The following KRT24 variants were observed in gnomAD, a reference collection of about 807,000 sequenced individuals.
KRT24 encodes keratin, type I cytoskeletal 24.
In KRT24, 44 loss-of-function variants were observed where a neutral mutation model predicts 51.7. That is an observed-to-expected ratio of 0.85 (90% CI 0.67 to 1.09). The LOEUF is 1.09. Among genes scored for constraint, KRT24 ranks in the 50% least tolerant of loss-of-function variants. The probability of loss-of-function intolerance (pLI) is 0.00; values close to 1 mark genes in which losing one functional copy is unlikely to be tolerated. For synonymous variants in KRT24, 241 were observed against 249.5 expected, an observed-to-expected ratio of 0.97 and a Z score of 0.32; for missense variants, 633 against 647.0, an observed-to-expected ratio of 0.98 and a Z score of 0.24.
At chr17:40,700,417 A>G in intron 3 of KRT24, 34 bp from the exon 4 acceptor site, 1 of 1,552,300 alleles carries the variant, frequency 6.4e-7, no homozygotes. Context: ...TCGTGATGCA[A>G]ACAGAAAAGT....
chr17:40,701,723 G>GTATATATATATA (rs36205605), intron 2 of KRT24, 128 bp downstream of exon 2: 4 of 38,122 alleles, frequency 1.0e-4, no homozygotes, highest in Non-Finnish European at 2.5e-4. Flanking sequence ...TGATCCTCTA[G>GTATATATATATA]TATATATATA....
At position 40,698,641 on chromosome 17, in the gene KRT24, A is replaced by G; in HGVS notation, c.1371T>C (p.Ser457=). 6.6e-7 allele frequency: 1 copy of G among 1,525,050 alleles called. No individual in the cohort carries two copies. 94.5% of individuals were successfully genotyped at this position (1,525,050 alleles called of 1,614,324 possible). ...AGTTTCTACCACCAAATTCTGCAAA[A>G]CTAGAACCACTGGAGAAAAAAAGAA... ...RLLDGEGGGS[S]FAEFGGRNSG... is the part of the protein sequence containing the mutation. The change falls in exon 7 of 8, where the codon AGT becomes AGC. Residue 457 remains serine, a synonymous_variant. Transcript: ENST00000264651.
intron 3 of KRT24, 108 bp downstream of exon 3, chr17:40,701,032 A>C (rs867394873): frequency 1.8e-6 from 2 of 1,099,542 alleles, no homozygotes; most frequent in African/African-American, 1.6e-5. Context: ...AGAGTAGCTG[A>C]GACTAAAGGC....
At chr17:40,698,684 G>T in intron 6 of KRT24, 34 bp from the exon 7 acceptor site, 2 of 1,105,304 alleles carry the variant, frequency 1.8e-6, no homozygotes, top group Non-Finnish European at 2.8e-6. Context: ...TTCCTTTGCA[G>T]TTTGCAAAGG....
Position 40,699,436 on chromosome 17 carries a change from T to C in KRT24, c.1361+8A>G. ...ATGCATTTTAGTTTGTTCATGACTT[T>C]GGTTTACCCTCCCTCTCCATCGAGC... On this transcript the variant is annotated splice_region_variant and intron_variant, in intron 6 of 7. Coordinates refer to ENST00000264651, the MANE Select transcript of KRT24 (RefSeq NM_019016.3). The C allele has an allele frequency of 3.7e-6, 6 of 1,612,152 alleles. No homozygotes were observed. Among genetic ancestry groups the C allele is most frequent in the African/African-American group, 1.3e-5 (1 of 75,018 alleles).
chr17:40,701,723 GTATATATATATATATATATA>G (rs36205605), intron 2 of KRT24, 108 bp downstream of exon 2: 133 of 38,350 alleles, frequency 3.5e-3, no homozygotes, highest in East Asian at 8.1e-3. Flanking sequence ...TGATCCTCTA[GTATATATATATATATATATA>G]TATATATATA....
chr17:40,700,029 A>T lies in KRT24; in HGVS notation c.1112T>A (p.Leu371Gln), dbSNP rs767226342. The T allele has an allele frequency of 2.5e-6, 4 of 1,614,082 alleles. No individual in the cohort carries two copies. Among genetic ancestry groups the T allele is most frequent in the Non-Finnish European group, 3.4e-6 (4 of 1,180,040 alleles). ...ITELKRTLQA[L>Q]EIELQSQLAM... The stretch of plus-strand genomic sequence containing the variant: ...CAGTTGGGACTGAAGCTCAATTTCC[A>T]GGGCTTGCAGGGTACGTTTTAGTTC... Residue 371 changes from leucine (L) to glutamine (Q), a missense_variant, in exon 5 of 8, where the codon CTG becomes CAG. Physicochemically the swap from Leu to Gln is moderately radical, Grantham distance 113. Coordinates refer to ENST00000264651, the MANE Select transcript of KRT24 (RefSeq NM_019016.3).
At position 40,699,665 on chromosome 17, in the gene KRT24, A is replaced by C; in HGVS notation, c.1144-4T>G. ...GGGTTCCCTCCAGGGAGCTTTTCTA[A>C]GAGAAAAAGCAAATAAAAAATTCAT... On this transcript the variant is annotated splice_region_variant and splice_polypyrimidine_tract_variant and intron_variant, in intron 5 of 7. Transcript: ENST00000264651. 1 of 1,608,986 alleles carries C rather than the reference A, an allele frequency of 6.2e-7. No homozygotes were observed. The highest frequency in any genetic ancestry group is 8.5e-7 in the Non-Finnish European group (1 of 1,176,980).
Position 40,698,424 on chromosome 17 carries a change from G to A in KRT24, c.1475-84C>T, listed in dbSNP as rs146830988. The A allele has an allele frequency of 5.1e-5, 57 of 1,127,508 alleles. No homozygotes were observed. The African/African-American group carries it at 5.7e-4, about 11-fold the overall frequency. The allele number at this position is 1,127,508 out of a possible 1,614,324, so 69.8% of individuals were successfully genotyped here. A position where few individuals can be genotyped will look rare whatever the true frequency, so the allele number is the denominator to read the frequency against. ...AGAAATTCAATCACATGCATTCAACGTGTTCTGTCTGGGTAAGATTATGTA... is the reference window on the plus strand; with the variant it reads ...AGAAATTCAATCACATGCATTCAACATGTTCTGTCTGGGTAAGATTATGTA... On this transcript the variant is annotated intron_variant, in intron 7 of 7. Transcript: ENST00000264651.
intron 3 of KRT24, 90 bp downstream of exon 3, chr17:40,701,050 A>G: frequency 7.3e-7 from 1 of 1,362,222 alleles, no homozygotes; most frequent in Non-Finnish European, 1.0e-6. Flanking sequence ...GGCATGAGCC[A>G]CTGCACCCAG....
Position 40,701,927 on chromosome 17 carries a change from C to CA in KRT24, c.621dup (p.Ala208CysfsTer5). 1 of 1,535,284 alleles carries CA rather than the reference C, an allele frequency of 6.5e-7. No homozygotes were observed. The highest frequency in any genetic ancestry group is 8.9e-7 in the Non-Finnish European group (1 of 1,129,908). On this transcript the variant is annotated frameshift_variant, in exon 2 of 8. Transcript: ENST00000264651. LOFTEE classifies it high-confidence loss of function. ...ATCCCAGCATTTTCAACAGTGGCAG[C>CA]AATGATCTAAAAAAGATGTTAATAG...
chr17:40,698,205 T>G lies in KRT24; in HGVS notation c.*32A>C, dbSNP rs2037628127. 7.4e-7 allele frequency: 1 copy of G among 1,356,288 alleles called. No individual in the cohort carries two copies. The highest frequency in any genetic ancestry group is 1.1e-6 in the Non-Finnish European group (1 of 948,052). The allele number at this position is 1,356,288 out of a possible 1,614,324, so 84.0% of individuals were successfully genotyped here. A position where few individuals can be genotyped will look rare whatever the true frequency, so the allele number is the denominator to read the frequency against. ...TGTGTCCTTCTTGATTTTTTTTTCT[T>G]TGAAAGACACTTTTGTTGATCTGGA... is the stretch of plus-strand genomic sequence containing the variant. On this transcript the variant is annotated 3_prime_UTR_variant, in exon 8 of 8. Coordinates refer to ENST00000264651, the MANE Select transcript of KRT24 (RefSeq NM_019016.3).
Position 40,701,833 on chromosome 17 carries a change from A to C in KRT24, c.698+18T>G, listed in dbSNP as rs768910175. The C allele has an allele frequency of 6.7e-6, 8 of 1,196,634 alleles. No homozygotes were observed. Among genetic ancestry groups the C allele is most frequent in the Non-Finnish European group, 8.9e-6 (8 of 898,224 alleles). 74.1% of individuals were successfully genotyped at this position (1,196,634 alleles called of 1,614,324 possible). On this transcript the variant is annotated intron_variant, in intron 2 of 7. Transcript: ENST00000264651. ...TTTTCTCCCGTAACACTTGTTTTCA[A>C]GTCTTTATGTTTCTTACTTCAGTCT...
chr17:40,700,090 C>A lies in KRT24; in HGVS notation c.1051G>T (p.Ala351Ser). The A allele has an allele frequency of 6.2e-7, 1 of 1,614,180 alleles. No individual in the cohort carries two copies. Among genetic ancestry groups the A allele is most frequent in the Non-Finnish European group, 8.5e-7 (1 of 1,180,030 alleles). The part of the protein sequence containing the change: ...ASLQAQISTD[A>S]GAATSAKNEI... ...TTCTTGGCAGAAGTGGCTGCCCCAG[C>A]ATCAGTGGAGATTTGTGCTTGTAGT... Residue 351 changes from alanine to serine, a missense_variant, in exon 5 of 8, where the codon GCT (alanine) becomes TCT (serine). Ala to Ser is a moderately conservative substitution (Grantham distance 99). Transcript: ENST00000264651.
chr17:40,701,073 G>A, intron 3 of KRT24, 67 bp downstream of exon 3: 1 of 1,517,250 alleles, frequency 6.6e-7, no homozygotes, highest in East Asian at 2.3e-5. Context: ...AATTTTATTT[G>A]TATAGAATGC....
intron 3 of KRT24, 141 bp from the exon 4 acceptor site, chr17:40,700,524 T>C (rs1332402939): frequency 4.6e-6 from 3 of 656,982 alleles, no homozygotes; most frequent in Non-Finnish European, 7.9e-6. Flanking sequence ...TTACTCATGA[T>C]TACTTTTGTT....
At chr17:40,702,982 T>A in intron 1 of KRT24, 97 bp downstream of exon 1, 5 of 1,321,150 alleles carry the variant, frequency 3.8e-6, no homozygotes, top group Non-Finnish European at 5.1e-6. Context: ...AGCAAATATG[T>A]TTTCAAATAA....
intron 2 of KRT24, 61 bp from the exon 3 acceptor site, chr17:40,701,357 G>A: frequency 7.0e-7 from 1 of 1,427,802 alleles, no homozygotes; most frequent in Non-Finnish European, 9.6e-7. Flanking sequence ...GTTTCAAAGG[G>A]TACCTTCCAT....
At chr17:40,698,394 G>A in intron 7 of KRT24, 54 bp from the exon 8 acceptor site, 1 of 1,292,562 alleles carries the variant, frequency 7.7e-7, no homozygotes, top group South Asian at 1.2e-5. Context: ...GAAACACAGA[G>A]CAAGAGAAAT....
Sources: allele counts gnomAD v4.1 joint callset, GRCh38; gene constraint gnomAD v4.1.1; transcripts MANE v1.5; gene names NCBI Gene and HGNC (gene_info 2026-07-23, HGNC 2026-07-21).